Variants in CSMD1 observed in about 807,000 individuals in gnomAD.
The protein encoded by CSMD1 is CUB and sushi domain-containing protein 1.
A neutral mutation model predicts 417.5 loss-of-function variants in CSMD1; 213 were observed. The observed-to-expected ratio is 0.51, with a 90% CI of 0.46 to 0.57. The LOEUF is 0.57. CSMD1 is among the 20% of genes least tolerant of loss of function. CSMD1 has a pLI of 0.00. For missense variants in CSMD1, 6,923 were observed against 4,529.7 expected, an observed-to-expected ratio of 1.53 and a Z score of -15.17; for synonymous variants, 2,862 against 1,736.8, an observed-to-expected ratio of 1.65 and a Z score of -16.11.
intron 2 of CSMD1, among the ~76,000 whole-genome samples, chr8:4,425,269 A>G (rs1349760563): frequency 3.9e-5 from 6 of 151,996 alleles, no homozygotes; most frequent in African/African-American, 9.6e-5. Context: ...TCATAAGACT[A>G]CTGTTCAGAG....
intron 10 of CSMD1, among the ~76,000 whole-genome samples, chr8:3,499,269 A>G (rs1796494073): frequency 6.6e-6 from 1 of 152,172 alleles, no homozygotes; most frequent in African/African-American, 2.4e-5. Context: ...CAATGTCTGC[A>G]TGTTTGTAGC....
chr8:3,110,409 C>G, intron 42 of CSMD1, 74 bp from the exon 43 acceptor site: 1 of 1,268,616 alleles, frequency 7.9e-7, no homozygotes, highest in Non-Finnish European at 1.0e-6. Flanking sequence ...TATTTGACTC[C>G]AAAGTACCTT....
chr8:4,415,262 A>C (rs1563149461), intron 3 of CSMD1, among the ~76,000 whole-genome samples: 1 of 151,950 alleles, frequency 6.6e-6, no homozygotes, highest in Non-Finnish European at 1.5e-5. Flanking sequence ...TCACTTCTGC[A>C]CCCCCTCCTC....
At chr8:3,499,547 T>C (rs1464559830) in intron 10 of CSMD1, among the ~76,000 whole-genome samples, 1 of 152,086 alleles carries the variant, frequency 6.6e-6, no homozygotes, top group African/African-American at 2.4e-5. Context: ...AGGCCAGTCC[T>C]TGGTCTCCTG....
intron 2 of CSMD1, among the ~76,000 whole-genome samples, chr8:4,558,904 CAAA>C (rs1306429008): frequency 1.5e-5 from 2 of 137,784 alleles, no homozygotes; most frequent in African/African-American, 5.4e-5. Context: ...CAAAACAAAA[CAAA>C]AAATAGAGAT....
rs1450475402 is a variant in CSMD1, at chr8:3,638,909, G to A, written c.1010-22112C>T. ...TAGGGAAAAGTGAAGAAGGGACTCC[G>A]AATAGCCTGATATTTATTTTCTGTC... is the stretch of plus-strand genomic sequence containing the variant. On this transcript the variant is annotated intron_variant, in intron 7 of 69. Transcript: ENST00000635120. Among the ~76,000 whole-genome samples, 4 of 152,100 alleles carry A rather than the reference G, an allele frequency of 2.6e-5. No individual in the cohort carries two copies. In the South Asian group the frequency reaches 8.3e-4, roughly 32 times the overall value.
intron 10 of CSMD1, among the ~76,000 whole-genome samples, chr8:3,516,113 A>T (rs1797272060): frequency 6.6e-6 from 1 of 152,238 alleles, no homozygotes; most frequent in African/African-American, 2.4e-5. Context: ...GTGGTCTCAC[A>T]GAAAGAGGAG....
chr8:4,226,657 T>C (rs1217194022), intron 3 of CSMD1, among the ~76,000 whole-genome samples: 1 of 152,128 alleles, frequency 6.6e-6, no homozygotes, highest in Non-Finnish European at 1.5e-5. Context: ...TACAGTATAA[T>C]CATAGAAATT....
chr8:3,605,748 C>G (rs1371458780), intron 8 of CSMD1, among the ~76,000 whole-genome samples: 1 of 152,174 alleles, frequency 6.6e-6, no homozygotes, highest in Admixed American at 6.5e-5. Context: ...ATACCAAGGA[C>G]ATACATTAAC....
At chr8:4,393,545 C>G (rs1014519426) in intron 3 of CSMD1, among the ~76,000 whole-genome samples, 1 of 152,176 alleles carries the variant, frequency 6.6e-6, no homozygotes, top group Non-Finnish European at 1.5e-5. Context: ...TTGGCAACAG[C>G]TAGATAAGCA....
At chr8:3,986,675 G>T (rs1814341678) in intron 5 of CSMD1, among the ~76,000 whole-genome samples, 1 of 152,136 alleles carries the variant, frequency 6.6e-6, no homozygotes, top group Admixed American at 6.5e-5. Context: ...GAGGGACAGA[G>T]TGAACATTTT....
At chr8:3,590,210 G>C (rs1430049577) in intron 8 of CSMD1, among the ~76,000 whole-genome samples, 1 of 152,074 alleles carries the variant, frequency 6.6e-6, no homozygotes, top group African/African-American at 2.4e-5. Context: ...TAGGAAGATA[G>C]GCACAACCCA....
chr8:4,178,057 G>A (rs1394135189), intron 3 of CSMD1, among the ~76,000 whole-genome samples: 3 of 152,056 alleles, frequency 2.0e-5, no homozygotes, highest in Non-Finnish European at 2.9e-5. Flanking sequence ...AGAAAAAGAG[G>A]GCACCCTCAC....
At chr8:3,523,125 A>C (rs1405750821) in intron 10 of CSMD1, among the ~76,000 whole-genome samples, 1 of 151,998 alleles carries the variant, frequency 6.6e-6, no homozygotes, top group Non-Finnish European at 1.5e-5. Flanking sequence ...CATTTTTCCT[A>C]AACACGTAGA....
At chr8:3,627,716 G>C (rs937551275) in intron 7 of CSMD1, among the ~76,000 whole-genome samples, 12 of 152,160 alleles carry the variant, frequency 7.9e-5, no homozygotes, top group South Asian at 2.1e-4. Flanking sequence ...CATAATTTAA[G>C]TGTCACAAAA....
At chr8:4,751,732 G>A (rs1279623556) in intron 1 of CSMD1, among the ~76,000 whole-genome samples, 3 of 152,104 alleles carry the variant, frequency 2.0e-5, no homozygotes, top group East Asian at 1.9e-4. Context: ...CTGTCAGTCT[G>A]CTGTGGAGTT....
intron 5 of CSMD1, among the ~76,000 whole-genome samples, chr8:3,881,472 TA>T: frequency 6.6e-6 from 1 of 151,254 alleles, no homozygotes; most frequent in Non-Finnish European, 1.5e-5. Flanking sequence ...CTGTCTCTAC[TA>T]AAAATACAAA....
intron 5 of CSMD1, among the ~76,000 whole-genome samples, chr8:3,808,059 G>T (rs1800847980): frequency 6.6e-6 from 1 of 152,084 alleles, no homozygotes; most frequent in Non-Finnish European, 1.5e-5. Flanking sequence ...AGAAGTTACA[G>T]CAGTGGCTGA....
intron 20 of CSMD1, among the ~76,000 whole-genome samples, chr8:3,363,774 T>C (rs1473577280): frequency 2.0e-5 from 3 of 152,174 alleles, no homozygotes; most frequent in African/African-American, 7.2e-5. Flanking sequence ...GAAATGATGC[T>C]AATTCACTAG....
Sources: allele counts gnomAD v4.1 joint callset (sites outside exome capture counted in the v4.1 genomes callset), GRCh38; gene constraint gnomAD v4.1.1; transcripts MANE v1.5; gene names NCBI Gene and HGNC (gene_info 2026-07-23, HGNC 2026-07-21).